The following ARHGEF7 variants were observed in gnomAD, a reference collection of about 807,000 sequenced individuals.
ARHGEF7 encodes Rho guanine nucleotide exchange factor 7.
A neutral mutation model predicts 109.8 loss-of-function variants in ARHGEF7; 33 were observed. That is an observed-to-expected ratio of 0.30 (90% CI 0.23 to 0.40). The LOEUF is 0.40. Among genes scored for constraint, ARHGEF7 ranks in the 10% least tolerant of loss-of-function variants. ARHGEF7 has a pLI of 1.00. For missense variants in ARHGEF7, 938 were observed against 1,098.5 expected (o/e 0.85, Z 2.07); for synonymous variants, 458 against 424.6 (o/e 1.08, Z -0.97).
intron 15 of ARHGEF7, 130 bp from the exon 16 acceptor site, chr13:111,283,009 A>C (rs1255888965): frequency 6.5e-6 from 8 of 1,228,548 alleles, no homozygotes; most frequent in Non-Finnish European, 9.0e-6. Flanking sequence ...ATACGAATGA[A>C]ATGATAAATC....
At chr13:111,300,080 A>G (rs935381653) in intron 19 of ARHGEF7, among the ~76,000 whole-genome samples, 1 of 152,128 alleles carries the variant, frequency 6.6e-6, no homozygotes, top group African/African-American at 2.4e-5. Flanking sequence ...TGATTTCCTA[A>G]TTTCTAAAGT....
chr13:111,292,650 C>T (rs2093325666), intron 19 of ARHGEF7: 2 of 1,136,216 alleles, frequency 1.8e-6, no homozygotes, highest in Non-Finnish European at 2.2e-6. Context: ...TTTCTGGATA[C>T]AGCTGTATGA....
intron 8 of ARHGEF7, among the ~76,000 whole-genome samples, chr13:111,253,167 T>A (rs1404509404): frequency 2.0e-5 from 3 of 152,268 alleles, no homozygotes; most frequent in African/African-American, 4.8e-5. Flanking sequence ...TTCAAACTAT[T>A]GTTCTATGTG....
At position 111,305,482 on chromosome 13, in the gene ARHGEF7, G is replaced by C. The variant is rs957038051; in HGVS notation, c.*2369G>C. On this transcript the variant is annotated 3_prime_UTR_variant, in exon 22 of 22. Transcript: ENST00000646102. ...TGTTGGAATGTAGCATCAGAAGCTC[G>C]TTCCTTCACACTCAGTGGCGTCTGT... The C allele has an allele frequency of 1.3e-5, 2 of 152,214 alleles. No homozygotes were observed. The highest frequency in any genetic ancestry group is 4.8e-5 in the African/African-American group (2 of 41,446). The allele number at this position is 152,214 out of a possible 1,614,324, so 9.4% of individuals were successfully genotyped here.
At chr13:111,212,900 T>A (rs2082668737) in intron 4 of ARHGEF7, among the ~76,000 whole-genome samples, 1 of 152,180 alleles carries the variant, frequency 6.6e-6, no homozygotes, top group South Asian at 2.1e-4. Flanking sequence ...ATTGTCTAAT[T>A]TTTGGCATCT....
chr13:111,120,304 C>T (rs778247204), intron 1 of ARHGEF7, among the ~76,000 whole-genome samples: 3 of 152,204 alleles, frequency 2.0e-5, no homozygotes, highest in Admixed American at 2.0e-4. Context: ...GAGAACCAGA[C>T]TAGAAACTAG....
At chr13:111,183,070 T>C (rs1437096597) in intron 2 of ARHGEF7, among the ~76,000 whole-genome samples, 1 of 152,208 alleles carries the variant, frequency 6.6e-6, no homozygotes, top group Admixed American at 6.5e-5. Flanking sequence ...CAGTTTACAG[T>C]GGGTTTAACA....
At position 111,239,032 on chromosome 13, in the gene ARHGEF7, G is replaced by A. The variant is rs773526166; in HGVS notation, c.760-4840G>A. On this transcript the variant is annotated intron_variant, in intron 6 of 21. Coordinates refer to ENST00000646102, the MANE Select transcript of ARHGEF7 (RefSeq NM_001354046.2). This position sits in a 1 kb window ranked among gnomAD's most constrained non-coding sequence, Gnocchi z 4.3. ...CGAAGCAGTGGGAGAGAGAATGAGT[G>A]CCAACAGGGGAAATGCCAGATGCTT... 1.1e-4 allele frequency among the ~76,000 whole-genome samples: 17 copies of A among 152,298 alleles called. No individual in the cohort carries two copies. Among genetic ancestry groups the A allele is most frequent in the Non-Finnish European group, 2.2e-4 (15 of 68,026 alleles).
chr13:111,150,920 G>A (rs772384625), intron 1 of ARHGEF7, among the ~76,000 whole-genome samples: 1 of 152,128 alleles, frequency 6.6e-6, no homozygotes, highest in Non-Finnish European at 1.5e-5. Context: ...TAGAGATATC[G>A]TTCAACTTCT....
intron 6 of ARHGEF7, among the ~76,000 whole-genome samples, chr13:111,242,276 T>C (rs1033600104): frequency 1.3e-5 from 2 of 152,188 alleles, no homozygotes; most frequent in Non-Finnish European, 2.9e-5. Flanking sequence ...TACTCAGGAA[T>C]GACTGTATTC....
chr13:111,214,728 T>TGG lies in ARHGEF7; in HGVS notation c.469-2950_469-2949dup, dbSNP rs2082911278. On this transcript the variant is annotated intron_variant, in intron 4 of 21. Coordinates refer to ENST00000646102, the MANE Select transcript of ARHGEF7 (RefSeq NM_001354046.2). ...TGTGTCTGCGCTGGTAATTGTTCGC[T>TGG]GGCGCTTTTGTTGCCAAACACTGAA... 2.6e-5 allele frequency among the ~76,000 whole-genome samples: 4 copies of TGG among 152,356 alleles called. No individual in the cohort carries two copies. The South Asian group carries it at 8.3e-4, about 32-fold the overall frequency.
chr13:111,276,679 C>T (rs1347347777), intron 12 of ARHGEF7, among the ~76,000 whole-genome samples: 2 of 152,116 alleles, frequency 1.3e-5, no homozygotes, highest in Admixed American at 1.3e-4. Context: ...TGTGAATGTT[C>T]CCAATGTATG....
rs528657310 is a variant in ARHGEF7 at position 111,165,448 on chromosome 13, G to A, written c.252+11457G>A. On this transcript the variant is annotated intron_variant, in intron 2 of 21. Transcript: ENST00000646102. The stretch of plus-strand genomic sequence containing the variant: ...AGCAAGTACTGGCAGCACTTAACAC[G>A]TGCAGTAAAGCAGTGAGGCTGTTTT... 9.2e-5 allele frequency among the ~76,000 whole-genome samples: 14 copies of A among 152,280 alleles called. No homozygotes were observed. The East Asian group carries it at 1.2e-3, about 13-fold the overall frequency.
chr13:111,217,911 T>G, intron 5 of ARHGEF7, 31 bp downstream of exon 5: 1 of 1,580,484 alleles, frequency 6.3e-7, no homozygotes, highest in Non-Finnish European at 8.6e-7. Context: ...TGTGTGTGGC[T>G]TTTTGCGATG....
intron 4 of ARHGEF7, among the ~76,000 whole-genome samples, chr13:111,214,177 C>T (rs9588383): frequency 0.14 from 21,323 of 152,238 alleles, 1,541 homozygotes; most frequent in South Asian, 0.22. Context: ...GTAGGCGTGC[C>T]TCCCTCACCC....
chr13:111,236,332 C>T (rs2086823048), intron 6 of ARHGEF7, among the ~76,000 whole-genome samples: 1 of 152,226 alleles, frequency 6.6e-6, no homozygotes, highest in African/African-American at 2.4e-5. Context: ...CCCCTAGAGA[C>T]AGTTTCCATT....
chr13:111,299,366 G>A (rs1348438332), intron 19 of ARHGEF7, among the ~76,000 whole-genome samples: 4 of 123,022 alleles, frequency 3.3e-5, no homozygotes, highest in Non-Finnish European at 6.5e-5. Flanking sequence ...TTTTTGAGAC[G>A]GAGTCTCGCT....
chr13:111,251,211 A>G (rs2089718359), intron 8 of ARHGEF7, among the ~76,000 whole-genome samples: 1 of 152,180 alleles, frequency 6.6e-6, no homozygotes, highest in African/African-American at 2.4e-5. Flanking sequence ...AACAAAAGAC[A>G]CTTCTGTCAC....
At chr13:111,193,978 A>G (rs2080201962) in intron 2 of ARHGEF7, among the ~76,000 whole-genome samples, 1 of 152,194 alleles carries the variant, frequency 6.6e-6, no homozygotes, top group African/African-American at 2.4e-5. Context: ...GTTGTCTGAT[A>G]GCCATAAACT....
Sources: gnomAD v4.1 joint callset for allele counts (sites outside exome capture counted in the v4.1 genomes callset) on GRCh38, gnomAD v4.1.1 for gene constraint, Gnocchi (gnomAD v3.1) non-coding constraint, MANE v1.5 for transcripts, NCBI Gene and HGNC (gene_info 2026-07-23, HGNC 2026-07-21) for gene names.